Variants in ELAVL4 observed in about 807,000 individuals in gnomAD.
ELAVL4 encodes ELAV-like protein 4.
A neutral mutation model predicts 35.6 loss-of-function variants in ELAVL4; 1 was observed. The ratio of observed to expected loss-of-function variants is 0.03; its 90% CI spans 0.01 to 0.13. ELAVL4 has a LOEUF of 0.13. Among genes scored for constraint, ELAVL4 ranks in the 10% least tolerant of loss-of-function variants. The pLI, the probability that ELAVL4 is intolerant of heterozygous loss-of-function variation, is 1.00. For missense variants in ELAVL4, 267 were observed against 464.9 expected (o/e 0.57, Z 3.91); for synonymous variants, 156 against 171.0 (o/e 0.91, Z 0.69).
At chr1:50,086,740 TGCACCCTCCACACCCC>T (rs936254336) in intron 1 of ELAVL4, among the ~76,000 whole-genome samples, 1 of 152,076 alleles carries the variant, frequency 6.6e-6, no homozygotes, top group Non-Finnish European at 1.5e-5. Context: ...CTGGGAGTGG[TGCACCCTCCACACCCC>T]GCACCCTCCA....
chr1:50,147,013 G>T (rs1572393999), intron 2 of ELAVL4, among the ~76,000 whole-genome samples: 1 of 151,960 alleles, frequency 6.6e-6, no homozygotes, highest in East Asian at 1.9e-4. Context: ...TGACAGCTTC[G>T]AAGACAGCCT....
rs958798870 is a variant in ELAVL4, at chr1:50,193,648, A to C, written c.355-117A>C. ...AAAAATCTGAACTACTGAGTGATTT[A>C]AACTGACACCATGAGTTGTAACGGT... On this transcript the variant is annotated intron_variant, in intron 3 of 6. Transcript: ENST00000371824. The C allele has an allele frequency of 2.7e-5, 36 of 1,314,496 alleles. No homozygotes were observed. In the Admixed American group the frequency reaches 6.4e-4, roughly 23 times the overall value. The allele number at this position is 1,314,496 out of a possible 1,614,324, so 81.4% of individuals were successfully genotyped here. A position where few individuals can be genotyped will look rare whatever the true frequency, so the allele number is the denominator to read the frequency against.
chr1:50,088,426 A>G (rs774710181), intron 1 of ELAVL4, among the ~76,000 whole-genome samples: 8 of 152,220 alleles, frequency 5.3e-5, no homozygotes, highest in Non-Finnish European at 8.8e-5. Context: ...GAGGTCCTCC[A>G]GCTCATCTCT....
rs558789931 is a variant in ELAVL4 at position 50,186,851 on chromosome 1, G to A, written c.355-6914G>A. ...AGTTTCACCTCTGATAAAATAGCAC[G>A]TATCAGGTGGCAGGTAGGGGAAGTG... is the stretch of plus-strand genomic sequence containing the variant. On this transcript the variant is annotated intron_variant, in intron 3 of 6. Transcript: ENST00000371824. 1.4e-3 allele frequency among the ~76,000 whole-genome samples: 215 copies of A among 149,926 alleles called. 1 individual carries two copies. The highest frequency in any genetic ancestry group is 5.0e-3 in the African/African-American group (206 of 40,940).
chr1:50,159,583 T>G (rs1467421102), intron 2 of ELAVL4, among the ~76,000 whole-genome samples: 1 of 151,832 alleles, frequency 6.6e-6, no homozygotes, highest in Non-Finnish European at 1.5e-5. Context: ...CACTCCAGCC[T>G]GGGTGATGGA....
At position 50,118,944 on chromosome 1, in the gene ELAVL4, AAG is replaced by A. The variant is rs57074113; in HGVS notation, c.9+9765_9+9766del. On this transcript the variant is annotated intron_variant, in intron 1 of 6. Coordinates refer to ENST00000371824, the MANE Select transcript of ELAVL4 (RefSeq NM_001144774.3). Reference sequence around the variant, plus strand: ...TTGCAGGTCCTATGCTAAAAAAAGAAAGAGAGAGAGAGAGAGAGAGGGAGGGA... The same window carrying A: ...TTGCAGGTCCTATGCTAAAAAAAGAAAGAGAGAGAGAGAGAGAGGGAGGGA... Among the ~76,000 whole-genome samples, 345 of 113,826 alleles carry A rather than the reference AAG, an allele frequency of 3.0e-3. 2 individuals carry two copies. The highest frequency in any genetic ancestry group is 0.011 in the Admixed American group (123 of 11,560). 74.7% of individuals were successfully genotyped at this position (113,826 alleles called of 152,430 possible).
chr1:50,089,330 C>T (rs1665391659), intron 1 of ELAVL4, among the ~76,000 whole-genome samples: 1 of 152,152 alleles, frequency 6.6e-6, no homozygotes, highest in Admixed American at 6.5e-5. Context: ...GCATTGTTAA[C>T]TTTAAAGGTT....
At chr1:50,074,375 A>T (rs1664667093) in intron 1 of ELAVL4, among the ~76,000 whole-genome samples, 1 of 152,218 alleles carries the variant, frequency 6.6e-6, no homozygotes, top group Non-Finnish European at 1.5e-5. Flanking sequence ...GATCGGGTAC[A>T]AAAATGGTAC....
chr1:50,142,455 G>A (rs1672983495), intron 1 of ELAVL4, among the ~76,000 whole-genome samples: 2 of 151,986 alleles, frequency 1.3e-5, no homozygotes, highest in Admixed American at 6.6e-5. Flanking sequence ...TGCCCACCTC[G>A]GCCTCCCAAA....
At chr1:50,188,872 C>T (rs1173765003) in intron 3 of ELAVL4, among the ~76,000 whole-genome samples, 1 of 152,202 alleles carries the variant, frequency 6.6e-6, no homozygotes, top group Non-Finnish European at 1.5e-5. Context: ...GGGTTCTCTC[C>T]ACATGGAAGG....
intron 6 of ELAVL4, among the ~76,000 whole-genome samples, chr1:50,199,734 G>GAA (rs146166020): frequency 6.8e-6 from 1 of 146,946 alleles, no homozygotes; most frequent in African/African-American, 2.5e-5. Flanking sequence ...AAGAAAGAAA[G>GAA]AAAAAAAAAG....
intron 1 of ELAVL4, among the ~76,000 whole-genome samples, chr1:50,053,665 G>A (rs913278319): frequency 1.3e-5 from 2 of 152,148 alleles, no homozygotes; most frequent in African/African-American, 4.8e-5. Flanking sequence ...TGTTTATTGA[G>A]TGTCTGGTAT....
At chr1:50,147,894 T>C (rs956504677) in intron 2 of ELAVL4, among the ~76,000 whole-genome samples, 16 of 152,158 alleles carry the variant, frequency 1.1e-4, no homozygotes, top group Admixed American at 1.0e-3. Flanking sequence ...GCTTCTGCAA[T>C]GTTAAAATCT....
intron 1 of ELAVL4, among the ~76,000 whole-genome samples, chr1:50,085,705 A>G (rs1665209749): frequency 6.6e-6 from 1 of 152,210 alleles, no homozygotes; most frequent in African/African-American, 2.4e-5. Context: ...CAGATGAGGT[A>G]CCATTTTTAT....
intron 3 of ELAVL4, among the ~76,000 whole-genome samples, chr1:50,177,670 C>T (rs1239135811): frequency 5.3e-5 from 8 of 152,130 alleles, no homozygotes; most frequent in African/African-American, 1.9e-4. Flanking sequence ...AATCAGGAGG[C>T]TTTGTGTGCC....
At chr1:50,131,789 A>AAAAC (rs914637567) in intron 1 of ELAVL4, among the ~76,000 whole-genome samples, 2 of 152,040 alleles carry the variant, frequency 1.3e-5, no homozygotes, top group African/African-American at 4.8e-5. Context: ...ACTCTGTCTC[A>AAAAC]AAACAAACAA....
chr1:50,102,036 C>T (rs1168707454), upstream of ELAVL4, among the ~76,000 whole-genome samples: 1 of 152,130 alleles, frequency 6.6e-6, no homozygotes, highest in Non-Finnish European at 1.5e-5. Flanking sequence ...GCCTGTAATC[C>T]CAGCACTTGG....
At chr1:50,173,340 G>A (rs1679378022) in intron 2 of ELAVL4, among the ~76,000 whole-genome samples, 1 of 152,188 alleles carries the variant, frequency 6.6e-6, no homozygotes, top group South Asian at 2.1e-4. Flanking sequence ...TCAGATTTAA[G>A]AGCAGCTTGT....
intron 1 of ELAVL4, among the ~76,000 whole-genome samples, chr1:50,057,259 C>T (rs1363499231): frequency 6.6e-6 from 1 of 151,856 alleles, no homozygotes; most frequent in Non-Finnish European, 1.5e-5. Context: ...TATTTGTGTA[C>T]AGCTGTACAT....
Sources: gnomAD v4.1 joint callset for allele counts (sites outside exome capture counted in the v4.1 genomes callset) on GRCh38, gnomAD v4.1.1 for gene constraint, MANE v1.5 for transcripts, NCBI Gene and HGNC (gene_info 2026-07-23, HGNC 2026-07-21) for gene names.